Variants in SYT6 observed in about 807,000 individuals in gnomAD.
The protein encoded by SYT6 is synaptotagmin 6.
Under a neutral mutation model 38.4 loss-of-function variants are expected in SYT6, and 24 were observed. The ratio of observed to expected loss-of-function variants is 0.62; its 90% CI spans 0.45 to 0.88. The LOEUF (loss-of-function observed/expected upper bound fraction) is 0.88, where lower values mean the gene tolerates loss of function less well. Ranked by LOEUF, SYT6 falls within the 40% of genes least tolerant of loss-of-function variation. The probability of loss-of-function intolerance (pLI) is 0.00; values close to 1 mark genes in which losing one functional copy is unlikely to be tolerated. For synonymous variants in SYT6, 265 were observed against 241.9 expected (o/e 1.10, Z -0.89); for missense variants, 611 against 621.0 (o/e 0.98, Z 0.17).
At chr1:114,118,989 T>G (rs555972188) in intron 3 of SYT6, among the ~76,000 whole-genome samples, 53 of 152,344 alleles carry the variant, frequency 3.5e-4, no homozygotes, top group African/African-American at 1.2e-3. Flanking sequence ...ACCATTGTTC[T>G]GCAGGGCATC....
At chr1:114,135,196 T>C (rs915076011) in intron 3 of SYT6, among the ~76,000 whole-genome samples, 2 of 152,202 alleles carry the variant, frequency 1.3e-5, no homozygotes, top group Non-Finnish European at 1.5e-5. Context: ...CCTCTGCAAC[T>C]GGCTGGAATG....
At chr1:114,125,166 G>T (rs1677648875) in intron 3 of SYT6, among the ~76,000 whole-genome samples, 1 of 152,222 alleles carries the variant, frequency 6.6e-6, no homozygotes, top group Non-Finnish European at 1.5e-5. Flanking sequence ...CCGACCCATG[G>T]TCGAGGATGT....
intron 1 of SYT6, among the ~76,000 whole-genome samples, chr1:114,148,492 G>A (rs181834061): frequency 4.6e-5 from 7 of 152,336 alleles, no homozygotes; most frequent in Non-Finnish European, 1.0e-4. Flanking sequence ...GCTGGGGAGA[G>A]CAGGAGCTGC....
intron 3 of SYT6, among the ~76,000 whole-genome samples, chr1:114,111,151 G>A (rs1025354198): frequency 3.3e-5 from 5 of 152,128 alleles, no homozygotes; most frequent in Admixed American, 6.6e-5. Context: ...GGTGGCCCTC[G>A]CCTTTCTAGC....
At position 114,091,702 on chromosome 1, in the gene SYT6, T is replaced by C. The variant is rs772058140; in HGVS notation, c.*432A>G. ...CCAAAAAACTGTACCTTGTATTTTC[T>C]AGAACCAACTTCTGGGCTTTCCACC... On this transcript the variant is annotated 3_prime_UTR_variant, in exon 8 of 8. Coordinates refer to ENST00000610222, the MANE Select transcript of SYT6 (RefSeq NM_001253772.2). 75 of 246,438 alleles carry C rather than the reference T, an allele frequency of 3.0e-4. No homozygotes were observed. The highest frequency in any genetic ancestry group is 5.2e-4 in the Non-Finnish European group (67 of 129,972). The allele number at this position is 246,438 out of a possible 1,614,324, so 15.3% of individuals were successfully genotyped here. A position where few individuals can be genotyped will look rare whatever the true frequency, so the allele number is the denominator to read the frequency against.
At chr1:114,105,764 CGA>C (rs1557736607) in intron 3 of SYT6, among the ~76,000 whole-genome samples, 2 of 152,292 alleles carry the variant, frequency 1.3e-5, no homozygotes, top group Non-Finnish European at 2.9e-5. Flanking sequence ...TCGTGACTCT[CGA>C]GAGAGTGGTC....
chr1:114,139,942 G>T lies in SYT6; in HGVS notation c.185C>A (p.Ala62Glu). ...CACGCCACACACAATAACTACAACT[G>T]CGAGGAGGCTGACAGAGGTGCCTGC... ...AGAGTSVSLLAVVVIVCGVAL... is the reference protein window; with the variant it reads ...AGAGTSVSLLEVVVIVCGVAL... The change falls in exon 2 of 8, where the codon GCA (alanine) becomes GAA (glutamate). Residue 62 changes from alanine to glutamate, a missense_variant. Coordinates refer to ENST00000610222, the MANE Select transcript of SYT6 (RefSeq NM_001253772.2). 1.3e-6 allele frequency: 2 copies of T among 1,509,886 alleles called. No homozygotes were observed. The highest frequency in any genetic ancestry group is 1.3e-5 in the South Asian group (1 of 74,628). 93.5% of individuals were successfully genotyped at this position (1,509,886 alleles called of 1,614,324 possible).
chr1:114,151,985 C>T (rs1679459567), intron 1 of SYT6, among the ~76,000 whole-genome samples: 1 of 152,106 alleles, frequency 6.6e-6, no homozygotes, highest in African/African-American at 2.4e-5. Context: ...CTAAACATTG[C>T]CACAACTAGG....
Position 114,139,776 on chromosome 1 carries a change from G to A in SYT6, c.351C>T (p.Asp117=), listed in dbSNP as rs1222532709. The change falls in exon 2 of 8, where the codon GAC becomes GAT. Residue 117 remains aspartate, a synonymous_variant. Transcript: ENST00000610222. ...CCAGGGTGCTGGGGTCCTTCAGCTT[G>A]TCCGCCATGTTGCCTCTGAAGCTGG... ...QSPSFRGNMA[D]KLKDPSTLGF... 3.1e-6 allele frequency: 5 copies of A among 1,613,178 alleles called. No homozygotes were observed. The highest frequency in any genetic ancestry group is 3.4e-6 in the Non-Finnish European group (4 of 1,179,438).
intron 1 of SYT6, among the ~76,000 whole-genome samples, chr1:114,145,186 T>A (rs532105213): frequency 6.6e-6 from 1 of 152,316 alleles, no homozygotes; most frequent in African/African-American, 2.4e-5. Context: ...AGAAATCAAA[T>A]TTTTAATATA....
rs138863010 is a variant in SYT6 at position 114,146,871 on chromosome 1, T to C, written c.163+6739A>G. Among the ~76,000 whole-genome samples, 3 of 152,308 alleles carry C rather than the reference T, an allele frequency of 2.0e-5. No homozygotes were observed. In the East Asian group the frequency reaches 5.8e-4, roughly 29 times the overall value. ...CTCATCTATAAATTGGGGGTAATAA[T>C]AGTATCTACCTTTAGGGTCATTGTG... On this transcript the variant is annotated intron_variant, in intron 1 of 7. Coordinates refer to ENST00000610222, the MANE Select transcript of SYT6 (RefSeq NM_001253772.2).
At chr1:114,096,330 C>T (rs1170397320) in intron 6 of SYT6, among the ~76,000 whole-genome samples, 1 of 152,164 alleles carries the variant, frequency 6.6e-6, no homozygotes, top group Non-Finnish European at 1.5e-5. Flanking sequence ...CTCATTAAAG[C>T]TCCACAGCTA....
At position 114,137,881 on chromosome 1, in the gene SYT6, T is replaced by G; in HGVS notation, c.685A>C (p.Ser229Arg). The change falls in exon 3 of 8, where the codon AGC becomes CGC. Residue 229 changes from serine (S) to arginine (R), a missense_variant. Ser to Arg is a moderately radical substitution (Grantham distance 110). Transcript: ENST00000610222. ...AGGCTGAAGTTGATCTTCCCGCAGC[T>G]CTTGGTGGCCTCAGACTTGGCATCC... is the stretch of plus-strand genomic sequence containing the variant. ...GEDAKSEATK[S>R]CGKINFSLRY... 6.2e-7 allele frequency: 1 copy of G among 1,613,940 alleles called. No homozygotes were observed. Among genetic ancestry groups the G allele is most frequent in the East Asian group, 2.2e-5 (1 of 44,864 alleles).
At chr1:114,105,000 C>G (rs992866119) in intron 3 of SYT6, among the ~76,000 whole-genome samples, 1 of 151,662 alleles carries the variant, frequency 6.6e-6, no homozygotes, top group Non-Finnish European at 1.5e-5. Context: ...TCCCTCCCGA[C>G]TCTAGTAGTC....
At chr1:114,119,867 C>T (rs1056498659) in intron 3 of SYT6, among the ~76,000 whole-genome samples, 4 of 152,064 alleles carry the variant, frequency 2.6e-5, no homozygotes, top group African/African-American at 7.3e-5. Flanking sequence ...GTCAGGAGAT[C>T]GAGACCATCC....
At chr1:114,144,168 A>C (rs895258970) in intron 1 of SYT6, among the ~76,000 whole-genome samples, 1 of 152,200 alleles carries the variant, frequency 6.6e-6, no homozygotes, top group African/African-American at 2.4e-5. Context: ...GTAATTGAAC[A>C]TGGGCTCCCA....
chr1:114,137,996 A>G lies in SYT6; in HGVS notation c.570T>C (p.Tyr190=), dbSNP rs1217985619. ...CTGCTGCTGGTGGAAGCTCATTGCC[A>G]TAGTCTACACTGGAGACATGCATCT... The part of the protein sequence containing the change: ...PRQMHVSSVD[Y]GNELPPAAEQ... The change falls in exon 3 of 8, where the codon TAT becomes TAC. Residue 190 remains tyrosine, a synonymous_variant. Transcript: ENST00000610222. 23 of 1,613,870 alleles carry G rather than the reference A, an allele frequency of 1.4e-5. No homozygotes were observed. The highest frequency in any genetic ancestry group is 2.2e-5 in the South Asian group (2 of 91,050).
At chr1:114,133,369 C>A (rs996491146) in intron 3 of SYT6, among the ~76,000 whole-genome samples, 4 of 152,160 alleles carry the variant, frequency 2.6e-5, no homozygotes, top group African/African-American at 9.7e-5. Context: ...GGGTCTGAGT[C>A]CTCTGTAGCA....
chr1:114,104,729 G>A (rs1676179852), intron 3 of SYT6, among the ~76,000 whole-genome samples: 1 of 152,154 alleles, frequency 6.6e-6, no homozygotes, highest in Non-Finnish European at 1.5e-5. Flanking sequence ...CACCTGTTAT[G>A]TGCTAAGTGT....
Sources: allele counts gnomAD v4.1 joint callset (sites outside exome capture counted in the v4.1 genomes callset), GRCh38; gene constraint gnomAD v4.1.1; transcripts MANE v1.5; gene names NCBI Gene and HGNC (gene_info 2026-07-23, HGNC 2026-07-21).